Variants in SOX5 observed in about 807,000 individuals in gnomAD.
The protein encoded by SOX5 is SRY-box transcription factor 5.
A neutral mutation model predicts 92.0 loss-of-function variants in SOX5; 9 were observed. That is an observed-to-expected ratio of 0.10 (90% CI 0.06 to 0.17). SOX5 has a LOEUF of 0.17. SOX5 is among the 10% of genes least tolerant of loss of function. The pLI, the probability that SOX5 is intolerant of heterozygous loss-of-function variation, is 1.00. For missense variants in SOX5, 642 were observed against 944.5 expected, an observed-to-expected ratio of 0.68 and a Z score of 4.20; for synonymous variants, 344 against 336.3, an observed-to-expected ratio of 1.02 and a Z score of -0.25.
At chr12:24,100,942 C>T (rs1946020990) in intron 4 of SOX5, among the ~76,000 whole-genome samples, 1 of 151,986 alleles carries the variant, frequency 6.6e-6, no homozygotes, top group African/African-American at 2.4e-5. Flanking sequence ...CATTAATATC[C>T]ACATTTTTCT....
At chr12:24,498,641 C>A (rs1237809115) in intron 1 of SOX5, among the ~76,000 whole-genome samples, 1 of 152,138 alleles carries the variant, frequency 6.6e-6, no homozygotes, top group Non-Finnish European at 1.5e-5. Flanking sequence ...TACATAATTC[C>A]TACCTAAATA....
chr12:23,618,564 T>A (rs1046174854), intron 8 of SOX5, among the ~76,000 whole-genome samples: 1 of 152,150 alleles, frequency 6.6e-6, no homozygotes, highest in South Asian at 2.1e-4. Flanking sequence ...TTGAAACACA[T>A]AAGGGGAGGA....
At chr12:24,398,914 CTG>C (rs1960778875) in intron 1 of SOX5, among the ~76,000 whole-genome samples, 1 of 152,170 alleles carries the variant, frequency 6.6e-6, no homozygotes, top group Non-Finnish European at 1.5e-5. Flanking sequence ...GGCTCCACAC[CTG>C]TGTCAGAATG....
intron 4 of SOX5, among the ~76,000 whole-genome samples, chr12:24,157,931 A>G (rs1228629136): frequency 1.3e-5 from 2 of 152,138 alleles, no homozygotes; most frequent in African/African-American, 4.8e-5. Flanking sequence ...AATGTTCCAA[A>G]ATAAGGTAGT....
chr12:23,950,055 CAT>C (rs1015361460), upstream of SOX5, among the ~76,000 whole-genome samples: 3 of 152,004 alleles, frequency 2.0e-5, no homozygotes, highest in African/African-American at 7.3e-5. Flanking sequence ...CACACACACA[CAT>C]ACACACGCAG....
intron 6 of SOX5, among the ~76,000 whole-genome samples, chr12:23,704,573 A>G (rs1195584889): frequency 1.3e-5 from 2 of 151,092 alleles, no homozygotes; most frequent in South Asian, 2.1e-4. Flanking sequence ...TACCACCAGT[A>G]AGACATATTA....
intron 3 of SOX5, among the ~76,000 whole-genome samples, chr12:24,251,950 T>A (rs1278716743): frequency 6.7e-6 from 1 of 148,414 alleles, no homozygotes; most frequent in Non-Finnish European, 1.5e-5. Context: ...ACCCAGTTAT[T>A]AAAAAAAAAA....
chr12:24,174,974 G>A (rs1954643456), intron 4 of SOX5, among the ~76,000 whole-genome samples: 1 of 152,200 alleles, frequency 6.6e-6, no homozygotes, highest in South Asian at 2.1e-4. Context: ...ACTTCTGGAA[G>A]TTCATGTACA....
At chr12:23,839,283 C>T (rs774821235) in intron 3 of SOX5, among the ~76,000 whole-genome samples, 2 of 152,036 alleles carry the variant, frequency 1.3e-5, no homozygotes, top group Non-Finnish European at 2.9e-5. Flanking sequence ...TATGTATCCA[C>T]TTAGAAATCA....
At chr12:23,702,169 T>G (rs966267134) in intron 6 of SOX5, among the ~76,000 whole-genome samples, 1 of 152,070 alleles carries the variant, frequency 6.6e-6, no homozygotes, top group Non-Finnish European at 1.5e-5. Context: ...AATACCTATA[T>G]GTCTCAAGAT....
chr12:24,081,251 C>T (rs1288805323), intron 4 of SOX5, among the ~76,000 whole-genome samples: 1 of 151,880 alleles, frequency 6.6e-6, no homozygotes, highest in Non-Finnish European at 1.5e-5. Flanking sequence ...AAATGCAAAA[C>T]GTCTGCTAAA....
rs573355088 is a variant in SOX5, at chr12:24,485,999, C to A, written c.-251+76330G>T. ...TGAGACAGGGTATCTGTTGCCCAGG[C>A]TGGAATGCAGTGGTTCCATCATAGT... On this transcript the variant is annotated intron_variant, in intron 1 of 4. Transcript: ENST00000446891. 1.3e-4 allele frequency among the ~76,000 whole-genome samples: 20 copies of A among 152,290 alleles called. No homozygotes were observed. The East Asian group carries it at 3.5e-3, about 26-fold the overall frequency.
intron 11 of SOX5, among the ~76,000 whole-genome samples, chr12:23,557,749 G>C (rs1335436303): frequency 6.6e-6 from 1 of 152,166 alleles, no homozygotes; most frequent in Non-Finnish European, 1.5e-5. Context: ...GCCAAGGCGG[G>C]CGGATCATGA....
At chr12:24,545,907 A>C (rs1386006350) in intron 1 of SOX5, among the ~76,000 whole-genome samples, 1 of 152,112 alleles carries the variant, frequency 6.6e-6, no homozygotes, top group Non-Finnish European at 1.5e-5. Context: ...AGAGCTCCCC[A>C]TTGGCGAGCT....
At chr12:24,452,618 A>G (rs1309003821) in intron 1 of SOX5, among the ~76,000 whole-genome samples, 3 of 152,206 alleles carry the variant, frequency 2.0e-5, no homozygotes, top group East Asian at 3.9e-4. Context: ...GAATATTTTT[A>G]TATCTCCAGG....
intron 1 of SOX5, among the ~76,000 whole-genome samples, chr12:24,418,559 A>T (rs1489855409): frequency 6.6e-6 from 1 of 152,238 alleles, no homozygotes; most frequent in Non-Finnish European, 1.5e-5. Context: ...GGAACTGCAG[A>T]TGCTATCTGC....
rs559292765 is a variant in SOX5, at chr12:24,254,867, C to T, written c.-77+22349G>A. On this transcript the variant is annotated intron_variant, in intron 3 of 4. Coordinates refer to the SOX5 transcript ENST00000446891. ...GTCTTTTAAGAACTTGGATTACTGT[C>T]AGCTTCTAGTGTCTCCATCATTCAT... Among the ~76,000 whole-genome samples, 78 of 152,072 alleles carry T rather than the reference C, an allele frequency of 5.1e-4. No individual in the cohort carries two copies. In the Middle Eastern group the frequency reaches 0.01, roughly 20 times the overall value.
intron 4 of SOX5, among the ~76,000 whole-genome samples, chr12:24,008,693 T>C (rs1418737387): frequency 6.6e-6 from 1 of 152,176 alleles, no homozygotes; most frequent in East Asian, 1.9e-4. Flanking sequence ...TTGAATAACT[T>C]GCAGGTAAAT....
upstream of SOX5, among the ~76,000 whole-genome samples, chr12:23,950,171 A>C (rs934482351): frequency 1.3e-5 from 2 of 152,072 alleles, no homozygotes; most frequent in Non-Finnish European, 2.9e-5. Flanking sequence ...TAAGCAAAAA[A>C]TTTAATGTTA....
Sources: gnomAD v4.1 joint callset for allele counts (sites outside exome capture counted in the v4.1 genomes callset) on GRCh38, gnomAD v4.1.1 for gene constraint, MANE v1.5 for transcripts, NCBI Gene and HGNC (gene_info 2026-07-23, HGNC 2026-07-21) for gene names.